CABLES1: variants seen among roughly 807,000 people sequenced by gnomAD.
CABLES1 encodes CDK5 and ABL1 enzyme substrate 1.
In CABLES1, 36 loss-of-function variants were observed where a neutral mutation model predicts 57.8. The ratio of observed to expected loss-of-function variants is 0.62; its 90% confidence interval spans 0.48 to 0.82. CABLES1 has a LOEUF of 0.82. Among genes scored for constraint, CABLES1 ranks in the 40% least tolerant of loss-of-function variants. CABLES1 has a pLI of 0.00. For synonymous variants in CABLES1, 374 were observed against 363.0 expected (o/e 1.03, Z -0.35); for missense variants, 767 against 836.6 (o/e 0.92, Z 1.03).
Position 23,258,129 on chromosome 18 carries a change from T to A in CABLES1, c.*762T>A, listed in dbSNP as rs1199680751. The A allele has an allele frequency of 6.6e-6, 1 of 152,400 alleles. No homozygotes were observed. Among genetic ancestry groups the A allele is most frequent in the African/African-American group, 2.4e-5 (1 of 41,470 alleles). 9.4% of individuals were successfully genotyped at this position (152,400 alleles called of 1,614,324 possible). ...GATAAAGAAGGCGAGTTCTGAGTGTTGGATGAGTCAGTCGCGTGGAAGGAC... is the reference window on the plus strand; with the variant it reads ...GATAAAGAAGGCGAGTTCTGAGTGTAGGATGAGTCAGTCGCGTGGAAGGAC... On this transcript the variant is annotated 3_prime_UTR_variant, in exon 10 of 10. Coordinates refer to ENST00000256925, the MANE Select transcript of CABLES1 (RefSeq NM_001100619.3).
intron 3 of CABLES1, among the ~76,000 whole-genome samples, chr18:23,205,969 C>G (rs908565047): frequency 6.6e-6 from 1 of 152,136 alleles, no homozygotes; most frequent in Non-Finnish European, 1.5e-5. Context: ...GGAGACAGGC[C>G]TGGAGCAGAC....
At chr18:23,151,355 G>T (rs2046929483) in intron 1 of CABLES1, among the ~76,000 whole-genome samples, 2 of 152,182 alleles carry the variant, frequency 1.3e-5, no homozygotes, top group African/African-American at 4.8e-5. Context: ...TAACTGCCAT[G>T]GATTGAAGGA....
At chr18:23,136,855 G>A (rs753357044) in intron 1 of CABLES1, among the ~76,000 whole-genome samples, 1 of 152,238 alleles carries the variant, frequency 6.6e-6, no homozygotes, top group Non-Finnish European at 1.5e-5. Flanking sequence ...TGTGCAGTGG[G>A]TCGGGAATTG....
chr18:23,196,441 C>T (rs551657572), intron 3 of CABLES1, among the ~76,000 whole-genome samples: 44 of 152,224 alleles, frequency 2.9e-4, no homozygotes, highest in South Asian at 1.2e-3. Flanking sequence ...AGGGATTGTC[C>T]TTAGACAGAT....
chr18:23,256,188 G>A lies in CABLES1; in HGVS notation c.1762-1039G>A, dbSNP rs539449646. Among the ~76,000 whole-genome samples, 4 of 152,364 alleles carry A rather than the reference G, an allele frequency of 2.6e-5. No homozygotes were observed. In the East Asian group the frequency reaches 7.7e-4, roughly 29 times the overall value. ...TTTATTTTATTAAGACAAAAGCTGG[G>A]TTGACGCCAAGGCAGAATGTGCCTG... On this transcript the variant is annotated intron_variant, in intron 9 of 9. Coordinates refer to ENST00000256925, the MANE Select transcript of CABLES1 (RefSeq NM_001100619.3).
At chr18:23,220,589 G>T (rs1400289517) in intron 4 of CABLES1, among the ~76,000 whole-genome samples, 1 of 152,126 alleles carries the variant, frequency 6.6e-6, no homozygotes, top group African/African-American at 2.4e-5. Flanking sequence ...GCGCCTTTGG[G>T]GCTGGGTGTG....
At chr18:23,214,763 A>G (rs1033740265) in intron 4 of CABLES1, 2 of 152,272 alleles carry the variant, frequency 1.3e-5, no homozygotes, top group African/African-American at 4.8e-5. Flanking sequence ...GAAGTCAAGC[A>G]TCATGGGATG....
chr18:23,211,274 G>A (rs1036240257), intron 3 of CABLES1, among the ~76,000 whole-genome samples: 1 of 152,176 alleles, frequency 6.6e-6, no homozygotes, highest in African/African-American at 2.4e-5. Flanking sequence ...ATGCAGCATC[G>A]CTAAGCCAGT....
intron 7 of CABLES1, among the ~76,000 whole-genome samples, chr18:23,243,334 G>A (rs543006490): frequency 1.3e-5 from 2 of 152,194 alleles, no homozygotes; most frequent in East Asian, 1.9e-4. Context: ...CTTGAAGGGC[G>A]CCCTCAGGCG....
At chr18:23,181,985 G>A (rs1410729442) in intron 1 of CABLES1, among the ~76,000 whole-genome samples, 1 of 152,206 alleles carries the variant, frequency 6.6e-6, no homozygotes, top group East Asian at 1.9e-4. Context: ...TTCCACACCT[G>A]TGAAGAAGCA....
At chr18:23,196,559 G>A (rs2047284206) in intron 3 of CABLES1, among the ~76,000 whole-genome samples, 1 of 152,204 alleles carries the variant, frequency 6.6e-6, no homozygotes, top group Non-Finnish European at 1.5e-5. Context: ...CCAGCCTTTC[G>A]AGAGAGGAAT....
intron 7 of CABLES1, among the ~76,000 whole-genome samples, chr18:23,245,529 G>T (rs938933019): frequency 1.3e-5 from 2 of 150,434 alleles, no homozygotes; most frequent in African/African-American, 4.9e-5. Flanking sequence ...AAGCGAAATA[G>T]GTATCAGTGT....
intron 1 of CABLES1, among the ~76,000 whole-genome samples, chr18:23,174,457 T>TG (rs1460524793): frequency 6.6e-6 from 1 of 151,686 alleles, no homozygotes; most frequent in Admixed American, 6.6e-5. Context: ...GTTGGTCATA[T>TG]GGGGTGACTC....
chr18:23,236,022 C>A lies in CABLES1; in HGVS notation c.1313C>A (p.Ala438Glu). The A allele has an allele frequency of 1.2e-6, 2 of 1,614,208 alleles. No homozygotes were observed. The highest frequency in any genetic ancestry group is 1.7e-6 in the Non-Finnish European group (2 of 1,180,042). ...LSHRSLSIGRASGTQGSLDTG... is the reference protein window; with the variant it reads ...LSHRSLSIGRESGTQGSLDTG... ...CACCGCAGCCTCTCCATAGGCCGGG[C>A]AAGCGGCACCCAGGGGAGCCTCGAC... The change falls in exon 6 of 10, where the codon GCA becomes GAA. Residue 438 changes from alanine to glutamate, a missense_variant. This residue lies in a region of CABLES1 where 529 missense variants were observed against 622.8 expected (regional missense o/e 0.85). Transcript: ENST00000256925.
At chr18:23,228,104 CTTTT>C (rs895379443) in intron 4 of CABLES1, among the ~76,000 whole-genome samples, 2 of 152,062 alleles carry the variant, frequency 1.3e-5, no homozygotes, top group Non-Finnish European at 2.9e-5. Context: ...TAAGTCTTGT[CTTTT>C]TTTAAGAGAG....
At chr18:23,191,247 TAAAAA>T (rs890589263) in intron 2 of CABLES1, among the ~76,000 whole-genome samples, 6 of 151,866 alleles carry the variant, frequency 4.0e-5, no homozygotes, top group African/African-American at 1.2e-4. Context: ...AAAGAAAACT[TAAAAA>T]AAAGAGAACT....
intron 4 of CABLES1, among the ~76,000 whole-genome samples, chr18:23,232,889 T>G (rs746502508): frequency 2.6e-5 from 4 of 152,082 alleles, no homozygotes; most frequent in Non-Finnish European, 4.4e-5. Flanking sequence ...TTTTCTATAT[T>G]GGAGGATAGC....
In CABLES1 at chr18:23,137,108, G is replaced by A. The variant is rs148845932; in HGVS notation, c.845+501G>A. ...GCGCTCCAAGTCTTCTTGCGGCCCG[G>A]GGAAACTTGGCTTTTTCCATTTGCT... On this transcript the variant is annotated intron_variant, in intron 1 of 9. Coordinates refer to ENST00000256925, the MANE Select transcript of CABLES1 (RefSeq NM_001100619.3). 2.8e-3 allele frequency among the ~76,000 whole-genome samples: 425 copies of A among 152,336 alleles called. 3 individuals are homozygous for A. Among genetic ancestry groups the A allele is most frequent in the African/African-American group, 9.7e-3 (404 of 41,582 alleles).
intron 7 of CABLES1, among the ~76,000 whole-genome samples, chr18:23,237,531 C>T (rs1026021052): frequency 1.3e-5 from 2 of 152,236 alleles, no homozygotes; most frequent in Admixed American, 1.3e-4. Flanking sequence ...GAGCTTATAC[C>T]TCCACAAACC....
Sources: gnomAD v4.1 joint callset for allele counts (sites outside exome capture counted in the v4.1 genomes callset) on GRCh38, gnomAD v4.1.1 for gene constraint, gnomAD v4.1.1 regional missense constraint, MANE v1.5 for transcripts, NCBI Gene and HGNC (gene_info 2026-07-23, HGNC 2026-07-21) for gene names.